PRICKLE1: variants seen among roughly 807,000 people sequenced by gnomAD.
PRICKLE1 encodes the protein prickle planar cell polarity protein 1.
Under a neutral mutation model 70.2 loss-of-function variants are expected in PRICKLE1, and 14 were observed. That is an observed-to-expected ratio of 0.20 (90% CI 0.13 to 0.31). PRICKLE1 has a LOEUF of 0.31. PRICKLE1 is among the 10% of genes least tolerant of loss of function. The pLI is 1.00. For missense variants in PRICKLE1, 821 were observed against 1,026.2 expected (o/e 0.80, Z 2.73); for synonymous variants, 357 against 379.9 (o/e 0.94, Z 0.70).
At position 42,589,641 on chromosome 12, in the gene PRICKLE1, C is replaced by A; in HGVS notation, c.-225G>T. 6.6e-6 allele frequency: 1 copy of A among 152,304 alleles called. No individual in the cohort carries two copies. The highest frequency in any genetic ancestry group is 2.0e-4 in the South Asian group (1 of 5,000). 9.4% of individuals were successfully genotyped at this position (152,304 alleles called of 1,614,324 possible). A position where few individuals can be genotyped will look rare whatever the true frequency, so the allele number is the denominator to read the frequency against. On this transcript the variant is annotated 5_prime_UTR_variant, in exon 1 of 8. Coordinates refer to ENST00000345127, the MANE Select transcript of PRICKLE1 (RefSeq NM_153026.3). This position sits in a 1 kb window ranked among gnomAD's most constrained non-coding sequence, Gnocchi z 5.0. ...TCTCCGTGCCGACCGCGGCGCGTCT[C>A]GGGGAAGTCAGCGCAGGCTGCGCGA...
intron 1 of PRICKLE1, among the ~76,000 whole-genome samples, chr12:42,527,957 A>C (rs1237702103): frequency 0.013 from 336 of 26,350 alleles, 47 homozygotes; most frequent in Middle Eastern, 0.1. Context: ...ATATATATAT[A>C]TATATATATA....
chr12:42,482,467 G>A (rs988689660), intron 1 of PRICKLE1, among the ~76,000 whole-genome samples: 11 of 152,288 alleles, frequency 7.2e-5, no homozygotes, highest in African/African-American at 2.6e-4. Context: ...GTCTTCTATT[G>A]ATTTTTTGGA....
At chr12:42,500,304 CATTTT>C (rs1297671825) in intron 1 of PRICKLE1, among the ~76,000 whole-genome samples, 1 of 152,146 alleles carries the variant, frequency 6.6e-6, no homozygotes, top group East Asian at 1.9e-4. Context: ...GATACAAAAT[CATTTT>C]ATTGTCCAAA....
intron 1 of PRICKLE1, among the ~76,000 whole-genome samples, chr12:42,584,926 C>G (rs750282088): frequency 6.6e-6 from 1 of 152,082 alleles, no homozygotes; most frequent in Non-Finnish European, 1.5e-5. Context: ...GAGAAGCACA[C>G]GCAAAGCAGA....
At chr12:42,513,687 C>G (rs1049363806) in intron 1 of PRICKLE1, among the ~76,000 whole-genome samples, 4 of 152,186 alleles carry the variant, frequency 2.6e-5, no homozygotes, top group Admixed American at 2.6e-4. Flanking sequence ...TTTGGTGTCT[C>G]CTTTAAAAAA....
intron 1 of PRICKLE1, among the ~76,000 whole-genome samples, chr12:42,508,729 G>A (rs1189883081): frequency 6.6e-6 from 1 of 152,144 alleles, no homozygotes; most frequent in Non-Finnish European, 1.5e-5. Flanking sequence ...AGGAAGAAGG[G>A]GAGAGGGATG....
At chr12:42,546,822 C>T (rs1216160597) in intron 1 of PRICKLE1, among the ~76,000 whole-genome samples, 1 of 152,190 alleles carries the variant, frequency 6.6e-6, no homozygotes. Context: ...GGCTATAAAA[C>T]TCTTAAATTT....
At chr12:42,490,661 C>T (rs1669887) in intron 1 of PRICKLE1, among the ~76,000 whole-genome samples, 9,186 of 152,016 alleles carry the variant, frequency 0.06, 337 homozygotes, top group Middle Eastern at 0.12. Flanking sequence ...TGTGGCTGCC[C>T]GGGGTGTACA....
Position 42,519,193 on chromosome 12 carries a change from C to CTTTTTTTTTTTTTTT in PRICKLE1, c.-48-46644_-48-46630dup, listed in dbSNP as rs11342397. ...TACTGAATTTCCTTTCCTTTTTTTC[C>CTTTTTTTTTTTTTTT]TTTTTTTTTTTTTTTTTTTTGAGAT... On this transcript the variant is annotated intron_variant, in intron 1 of 7. Transcript: ENST00000345127. Among the ~76,000 whole-genome samples the CTTTTTTTTTTTTTTT allele has an allele frequency of 6.4e-4, 63 of 99,192 alleles. 4 individuals are homozygous for CTTTTTTTTTTTTTTT. The highest frequency in any genetic ancestry group is 9.3e-4 in the Non-Finnish European group (49 of 52,596). The allele number at this position is 99,192 out of a possible 152,430, so 65.1% of individuals were successfully genotyped here.
chr12:42,523,108 C>G (rs557333477), intron 1 of PRICKLE1, among the ~76,000 whole-genome samples: 1 of 152,160 alleles, frequency 6.6e-6, no homozygotes, highest in African/African-American at 2.4e-5. Flanking sequence ...ATTACAGGCA[C>G]CTGCCACCAT....
intron 1 of PRICKLE1, among the ~76,000 whole-genome samples, chr12:42,491,936 G>C (rs1289936054): frequency 6.6e-6 from 1 of 151,448 alleles, no homozygotes; most frequent in Admixed American, 6.6e-5. Flanking sequence ...TGTGCCCGCC[G>C]CCACGCCCGG....
intron 1 of PRICKLE1, among the ~76,000 whole-genome samples, chr12:42,557,371 C>T (rs937978184): frequency 6.6e-6 from 1 of 152,154 alleles, no homozygotes; most frequent in East Asian, 1.9e-4. Flanking sequence ...AGCAAGCTAA[C>T]CCTATCTGGT....
intron 1 of PRICKLE1, among the ~76,000 whole-genome samples, chr12:42,572,469 A>AAATTAATT (rs1272000440): frequency 9.1e-4 from 134 of 146,710 alleles, no homozygotes; most frequent in African/African-American, 3.2e-3. Flanking sequence ...ATAAATAAAT[A>AAATTAATT]AATTAAAAAT....
intron 1 of PRICKLE1, among the ~76,000 whole-genome samples, chr12:42,580,780 C>G (rs1242090691): frequency 6.6e-6 from 1 of 152,038 alleles, no homozygotes; most frequent in East Asian, 1.9e-4. Flanking sequence ...ATCTTCATTT[C>G]CAGGTTGAAA....
rs748722157 is a variant in PRICKLE1 at position 42,464,753 on chromosome 12, G to A, written c.1281C>T (p.Leu427=). 16 of 1,614,088 alleles carry A rather than the reference G, an allele frequency of 9.9e-6. No homozygotes were observed. Among genetic ancestry groups the A allele is most frequent in the Non-Finnish European group, 1.4e-5 (16 of 1,180,038 alleles). ...CCATCTCATTGGGCTGTGGCTGAAA[G>A]AGGCTTTTATCACCAAACTTGAGGA... The part of the protein sequence containing the change: ...QLLLKFGDKS[L]FQPQPNEMDI... Residue 427 remains leucine, a synonymous_variant, in exon 7 of 8, where the codon CTC becomes CTT. Coordinates refer to ENST00000345127, the MANE Select transcript of PRICKLE1 (RefSeq NM_153026.3). This position sits in a 1 kb window ranked among gnomAD's most constrained non-coding sequence, Gnocchi z 4.2.
rs536510778 is a variant in PRICKLE1 at position 42,569,812 on chromosome 12, TTAAGA to T, written c.-49+19648_-49+19652del. On this transcript the variant is annotated intron_variant, in intron 1 of 7. Transcript: ENST00000345127. ...CATATCACTTCACCAGTCTTCATGTTTAAGATGAGCATTGTGGCATTGGGAAATTC... is the reference window on the plus strand; with the variant it reads ...CATATCACTTCACCAGTCTTCATGTTTGAGCATTGTGGCATTGGGAAATTC... 9.1e-4 allele frequency among the ~76,000 whole-genome samples: 138 copies of T among 152,338 alleles called. 2 individuals are homozygous for T. The highest frequency in any genetic ancestry group is 9.0e-3 in the Admixed American group (137 of 15,298).
intron 1 of PRICKLE1, among the ~76,000 whole-genome samples, chr12:42,503,401 G>A (rs1939351256): frequency 6.6e-6 from 1 of 152,078 alleles, no homozygotes; most frequent in Non-Finnish European, 1.5e-5. Flanking sequence ...TGTACACAAG[G>A]GGATAGATTC....
chr12:42,489,686 A>T (rs1939060005), intron 1 of PRICKLE1: 1 of 144,500 alleles, frequency 6.9e-6, no homozygotes, highest in Non-Finnish European at 1.5e-5. Context: ...AAAAAAAAAA[A>T]TTCCAAATTT....
chr12:42,490,128 T>C (rs1939069496), intron 1 of PRICKLE1: 1 of 152,222 alleles, frequency 6.6e-6, no homozygotes, highest in Non-Finnish European at 1.5e-5. Flanking sequence ...ATGGTGATTA[T>C]AGGAATATTT....
Sources: gnomAD v4.1 joint callset for allele counts (sites outside exome capture counted in the v4.1 genomes callset) on GRCh38, gnomAD v4.1.1 for gene constraint, Gnocchi (gnomAD v3.1) non-coding constraint, MANE v1.5 for transcripts, NCBI Gene and HGNC (gene_info 2026-07-23, HGNC 2026-07-21) for gene names.